Variants in IQCM observed in about 807,000 individuals in gnomAD.
The protein encoded by IQCM is IQ motif containing M.
In IQCM, 45 loss-of-function variants were observed where a neutral mutation model predicts 57.6. The ratio of observed to expected loss-of-function variants is 0.78; its 90% CI spans 0.62 to 1.00. The LOEUF is 1.00. Among genes scored for constraint, IQCM ranks in the 50% least tolerant of loss-of-function variants. IQCM has a pLI of 0.00. For synonymous variants in IQCM, 148 were observed against 158.9 expected, an observed-to-expected ratio of 0.93 and a Z score of 0.51; for missense variants, 468 against 511.6, an observed-to-expected ratio of 0.91 and a Z score of 0.82.
At chr4:149,680,034 C>G (rs972234947) in intron 7 of IQCM, among the ~76,000 whole-genome samples, 8 of 151,350 alleles carry the variant, frequency 5.3e-5, no homozygotes, top group Non-Finnish European at 1.2e-4. Flanking sequence ...CATAATCTTT[C>G]AGATATTTCT....
At chr4:149,660,444 A>G (rs1348297435) in intron 7 of IQCM, among the ~76,000 whole-genome samples, 6 of 151,690 alleles carry the variant, frequency 4.0e-5, no homozygotes, top group Admixed American at 3.9e-4. Flanking sequence ...GGGATCTAGA[A>G]CTAGAAATAC....
At chr4:149,357,447 A>G (rs1729088599) in intron 13 of IQCM, among the ~76,000 whole-genome samples, 1 of 152,096 alleles carries the variant, frequency 6.6e-6, no homozygotes, top group Non-Finnish European at 1.5e-5. Flanking sequence ...GAGAGTTTTT[A>G]GCATGAAGAG....
chr4:149,658,727 AT>A (rs1210189168), intron 7 of IQCM, among the ~76,000 whole-genome samples: 2 of 151,896 alleles, frequency 1.3e-5, no homozygotes, highest in East Asian at 1.9e-4. Flanking sequence ...AGGTATCTTA[AT>A]TTTTTTATAG....
chr4:149,504,324 A>C (rs1055353680), intron 12 of IQCM, among the ~76,000 whole-genome samples: 1 of 152,204 alleles, frequency 6.6e-6, no homozygotes, highest in African/African-American at 2.4e-5. Flanking sequence ...GTGCAACCGA[A>C]TTTAAGAACA....
At chr4:149,625,784 A>G (rs1003872770) in intron 7 of IQCM, among the ~76,000 whole-genome samples, 3 of 152,108 alleles carry the variant, frequency 2.0e-5, no homozygotes, top group Non-Finnish European at 4.4e-5. Context: ...TCCTGCTTCT[A>G]CTGTCCTCTC....
In IQCM at chr4:149,527,777, C is replaced by T. The variant is rs150482420; in HGVS notation, c.1228+20678G>A. Among the ~76,000 whole-genome samples, 12 of 152,206 alleles carry T rather than the reference C, an allele frequency of 7.9e-5. No individual in the cohort carries two copies. The East Asian group carries it at 2.3e-3, about 29-fold the overall frequency. On this transcript the variant is annotated intron_variant, in intron 12 of 13. Coordinates refer to ENST00000636793, the MANE Select transcript of IQCM (RefSeq NM_001363507.2). ...TTCACTCAAGTCTTTTTGCTTCTCC[C>T]ATGCCATGCTGTGTTAAAGTAAACA... is the stretch of plus-strand genomic sequence containing the variant.
At chr4:149,457,120 T>C (rs1737786784) in intron 12 of IQCM, among the ~76,000 whole-genome samples, 3 of 152,072 alleles carry the variant, frequency 2.0e-5, no homozygotes, top group Non-Finnish European at 4.4e-5. Context: ...CTAAAAAGAA[T>C]ACCAATCATT....
In IQCM at chr4:149,459,873, C is replaced by T. The variant is rs530120121; in HGVS notation, c.1229-26316G>A. On this transcript the variant is annotated intron_variant, in intron 12 of 13. Transcript: ENST00000636793. ...TTAGCTACTGTGAATAATGTTGTTG[C>T]GAACGTGGGTTGAACAAATACCTTT... Among the ~76,000 whole-genome samples the T allele has an allele frequency of 1.4e-4, 22 of 152,246 alleles. No individual in the cohort carries two copies. In the East Asian group the frequency reaches 2.5e-3, roughly 17 times the overall value.
chr4:149,725,719 A>G (rs1207393270), intron 5 of IQCM, among the ~76,000 whole-genome samples: 1 of 152,090 alleles, frequency 6.6e-6, no homozygotes, highest in African/African-American at 2.4e-5. Flanking sequence ...GATTACTCAC[A>G]TATTCTAAGT....
intron 5 of IQCM, among the ~76,000 whole-genome samples, chr4:149,704,750 A>T (rs1764029030): frequency 6.6e-6 from 1 of 151,818 alleles, no homozygotes; most frequent in Non-Finnish European, 1.5e-5. Flanking sequence ...AAACATTATT[A>T]CTGTGTGTGT....
intron 12 of IQCM, among the ~76,000 whole-genome samples, chr4:149,442,953 C>CACAGAG (rs1410484547): frequency 2.0e-5 from 2 of 98,002 alleles, no homozygotes; most frequent in African/African-American, 3.7e-5. Context: ...CACACACACA[C>CACAGAG]AGAGAGAGAG....
chr4:149,502,163 C>T (rs1302530417), intron 12 of IQCM, among the ~76,000 whole-genome samples: 1 of 151,874 alleles, frequency 6.6e-6, no homozygotes, highest in East Asian at 1.9e-4. Context: ...CACACACACA[C>T]ACACACACAT....
intron 12 of IQCM, among the ~76,000 whole-genome samples, chr4:149,498,009 T>C (rs1742851500): frequency 6.6e-6 from 1 of 152,126 alleles, no homozygotes; most frequent in African/African-American, 2.4e-5. Flanking sequence ...TTCTAAAGAC[T>C]AGCCCAGATA....
chr4:149,670,403 T>C (rs1176305819), intron 7 of IQCM, among the ~76,000 whole-genome samples: 1 of 152,186 alleles, frequency 6.6e-6, no homozygotes, highest in Non-Finnish European at 1.5e-5. Context: ...TTTCTAAATA[T>C]ACAATCATGT....
chr4:149,724,147 GAGC>G (rs1178342396), intron 5 of IQCM, among the ~76,000 whole-genome samples: 1 of 151,874 alleles, frequency 6.6e-6, no homozygotes, highest in African/African-American at 2.4e-5. Flanking sequence ...TAAGGGACTT[GAGC>G]ATCTGCCAAT....
intron 3 of IQCM, among the ~76,000 whole-genome samples, chr4:149,739,583 T>C (rs1198871524): frequency 2.0e-5 from 3 of 152,086 alleles, no homozygotes; most frequent in African/African-American, 4.8e-5. Context: ...CTAACTAATA[T>C]GTTTGCAGTT....
chr4:149,659,286 G>A (rs897745105), intron 7 of IQCM, among the ~76,000 whole-genome samples: 1 of 151,960 alleles, frequency 6.6e-6, no homozygotes, highest in African/African-American at 2.4e-5. Flanking sequence ...GGGACGTGAA[G>A]GACCCCTTCA....
At chr4:149,783,828 G>A (rs565438862) in intron 2 of IQCM, among the ~76,000 whole-genome samples, 1 of 152,204 alleles carries the variant, frequency 6.6e-6, no homozygotes, top group East Asian at 1.9e-4. Context: ...TACTGCAGGT[G>A]GCCTCTAGGA....
chr4:149,736,412 G>C (rs1050703965), intron 3 of IQCM, among the ~76,000 whole-genome samples: 1 of 152,112 alleles, frequency 6.6e-6, no homozygotes, highest in African/African-American at 2.4e-5. Flanking sequence ...AAATGGAATT[G>C]TATCAGTGGA....
Sources: gnomAD v4.1 joint callset for allele counts (sites outside exome capture counted in the v4.1 genomes callset) on GRCh38, gnomAD v4.1.1 for gene constraint, MANE v1.5 for transcripts, NCBI Gene and HGNC (gene_info 2026-07-23, HGNC 2026-07-21) for gene names.